DNAH7: variants seen among roughly 807,000 people sequenced by gnomAD.
The protein encoded by DNAH7 is dynein axonemal heavy chain 7.
In DNAH7, 397 loss-of-function variants were observed where a neutral mutation model predicts 444.6. The observed-to-expected ratio is 0.89, with a 90% CI of 0.82 to 0.97. DNAH7 has a LOEUF of 0.97. Among genes scored for constraint, DNAH7 ranks in the 50% least tolerant of loss-of-function variants. DNAH7 has a pLI of 0.00. For missense variants in DNAH7, 4,902 were observed against 4,800.8 expected, an observed-to-expected ratio of 1.02 and a Z score of -0.62; for synonymous variants, 1,636 against 1,624.4, an observed-to-expected ratio of 1.01 and a Z score of -0.17.
At chr2:195,946,890 G>C (rs1033223363) in intron 19 of DNAH7, among the ~76,000 whole-genome samples, 5 of 151,854 alleles carry the variant, frequency 3.3e-5, no homozygotes, top group African/African-American at 1.2e-4. Flanking sequence ...AGAAGACTGA[G>C]GATTTGAAAC....
At chr2:195,943,712 G>A (rs959655781) in intron 19 of DNAH7, among the ~76,000 whole-genome samples, 4 of 152,120 alleles carry the variant, frequency 2.6e-5, no homozygotes, top group African/African-American at 9.7e-5. Context: ...ATGTATCCCA[G>A]TTTGATGAAG....
Position 196,058,005 on chromosome 2 carries a change from C to G in DNAH7, c.78+49G>C, listed in dbSNP as rs774268911. On this transcript the variant is annotated intron_variant, in intron 2 of 64. Coordinates refer to ENST00000312428, the MANE Select transcript of DNAH7 (RefSeq NM_018897.3). ...ACTTTCAAGCTTGAAAAGTAGTAAA[C>G]AAACATTATCATAAAGGAATGAAGT... 3.8e-6 allele frequency: 5 copies of G among 1,332,910 alleles called. No homozygotes were observed. The Admixed American group carries it at 1.4e-4, about 36-fold the overall frequency. The allele number at this position is 1,332,910 out of a possible 1,614,324, so 82.6% of individuals were successfully genotyped here.
intron 7 of DNAH7, among the ~76,000 whole-genome samples, chr2:196,025,147 T>G (rs1177405329): frequency 1.3e-5 from 2 of 152,172 alleles, no homozygotes; most frequent in Admixed American, 1.3e-4. Flanking sequence ...CTGCAGATTT[T>G]GGTATCTGTC....
At position 196,026,749 on chromosome 2, in the gene DNAH7, T is replaced by A; in HGVS notation, c.667+11A>T. 1.3e-6 allele frequency: 2 copies of A among 1,579,734 alleles called. No homozygotes were observed. Among genetic ancestry groups the A allele is most frequent in the Non-Finnish European group, 1.7e-6 (2 of 1,154,630 alleles). ...ATTTGAATTAAAAATCAAAGCATAA[T>A]ACCAATTTACCTATGGATTTCCTTA... is the stretch of plus-strand genomic sequence containing the variant. On this transcript the variant is annotated intron_variant, in intron 7 of 64. Transcript: ENST00000312428.
rs1434075733 is a variant in DNAH7, at chr2:195,737,799, C to G, written c.*122G>C. ...AGCTGCATTTGCTCATAAGTAAATTCATAATTATAACTTTAGTCAAATGTA... is the reference window on the plus strand; with the variant it reads ...AGCTGCATTTGCTCATAAGTAAATTGATAATTATAACTTTAGTCAAATGTA... On this transcript the variant is annotated 3_prime_UTR_variant, in exon 65 of 65. Coordinates refer to ENST00000312428, the MANE Select transcript of DNAH7 (RefSeq NM_018897.3). The G allele has an allele frequency of 3.6e-6, 3 of 828,258 alleles. No homozygotes were observed. In the Admixed American group the frequency reaches 8.6e-5, roughly 24 times the overall value. 51.3% of individuals were successfully genotyped at this position (828,258 alleles called of 1,614,324 possible).
chr2:195,952,819 T>C (rs148097672), intron 19 of DNAH7, among the ~76,000 whole-genome samples: 1 of 152,202 alleles, frequency 6.6e-6, no homozygotes, highest in Non-Finnish European at 1.5e-5. Context: ...GTTATTCTAG[T>C]TAGCAATTCG....
chr2:195,775,715 T>C, intron 60 of DNAH7, 131 bp downstream of exon 60: 1 of 992,442 alleles, frequency 1.0e-6, no homozygotes, highest in East Asian at 2.8e-5. Context: ...ATGTATGTAT[T>C]TTTGTCTTTT....
intron 49 of DNAH7, among the ~76,000 whole-genome samples, chr2:195,818,948 T>A (rs1697345322): frequency 6.6e-6 from 1 of 152,174 alleles, no homozygotes; most frequent in Non-Finnish European, 1.5e-5. Context: ...TTTTTATGGA[T>A]ACATAACAGT....
rs374030931 is a variant in DNAH7 at position 195,848,692 on chromosome 2, A to T, written c.8782-3527T>A. 3.4e-4 allele frequency among the ~76,000 whole-genome samples: 52 copies of T among 152,330 alleles called. No homozygotes were observed. In the East Asian group the frequency reaches 8.7e-3, roughly 25 times the overall value. ...AAGCTAGAGCTGTGGGAGGCAGTTT[A>T]TATATGGTAAATGGGATGGAATTAG... On this transcript the variant is annotated intron_variant, in intron 46 of 64. Transcript: ENST00000312428.
chr2:195,850,294 A>T (rs1370821317), intron 46 of DNAH7, among the ~76,000 whole-genome samples: 1 of 150,858 alleles, frequency 6.6e-6, no homozygotes, highest in Non-Finnish European at 1.5e-5. Flanking sequence ...TGAAAAAAAA[A>T]AAAGGGGAGA....
At chr2:195,739,820 T>A (rs1311851990) in intron 64 of DNAH7, among the ~76,000 whole-genome samples, 1 of 152,214 alleles carries the variant, frequency 6.6e-6, no homozygotes, top group East Asian at 1.9e-4. Context: ...CGTTCCCAGC[T>A]CGGGTTGAAC....
Position 196,024,480 on chromosome 2 carries a change from C to G in DNAH7, c.692G>C (p.Arg231Pro). 1 of 1,577,338 alleles carries G rather than the reference C, an allele frequency of 6.3e-7. No homozygotes were observed. The highest frequency in any genetic ancestry group is 8.6e-7 in the Non-Finnish European group (1 of 1,164,398). Residue 231 changes from arginine to proline, a missense_variant, in exon 8 of 65, where the codon CGA becomes CCA. Physicochemically the swap from Arg to Pro is moderately radical, Grantham distance 103. Coordinates refer to ENST00000312428, the MANE Select transcript of DNAH7 (RefSeq NM_018897.3). ...SIVDFVLKDPREKGDDKKTDE... is the reference protein window; with the variant it reads ...SIVDFVLKDPPEKGDDKKTDE... ...TGTCTTCTTATCATCTCCTTTCTCT[C>G]GAGGATCTTTTAAAACAAAATCAAC...
rs117394047 is a variant in DNAH7 at position 195,945,844 on chromosome 2, T to A, written c.3079-9052A>T. ...TTGCATGAAATACAAAAGACTTGGA[T>A]GAGTCAAAAACCAAGTTTGGGGGTG... On this transcript the variant is annotated intron_variant, in intron 19 of 64. Coordinates refer to ENST00000312428, the MANE Select transcript of DNAH7 (RefSeq NM_018897.3). Among the ~76,000 whole-genome samples the A allele has an allele frequency of 4.3e-3, 653 of 152,238 alleles. 6 individuals carry two copies. Among genetic ancestry groups the A allele is most frequent in the East Asian group, 0.032 (167 of 5,178 alleles).
At position 195,750,771 on chromosome 2, in the gene DNAH7, G is replaced by C. The variant is rs12614385; in HGVS notation, c.11764+3566C>G. On this transcript the variant is annotated intron_variant, in intron 63 of 64. Transcript: ENST00000312428. ...TTGTGAGGATTCAGTGTAATGGACT[G>C]GGCAGCCCAGCAGTGGTACAGAGCA... 9.3e-3 allele frequency among the ~76,000 whole-genome samples: 1,418 copies of C among 152,258 alleles called. 35 individuals are homozygous for C. Among genetic ancestry groups the C allele is most frequent in the East Asian group, 0.07 (362 of 5,190 alleles).
chr2:195,779,375 A>C (rs921303997), intron 58 of DNAH7, among the ~76,000 whole-genome samples: 6 of 152,224 alleles, frequency 3.9e-5, no homozygotes, highest in East Asian at 1.9e-4. Context: ...CCAAAGAAAG[A>C]AGCTTATAAA....
chr2:195,760,019 G>T (rs1694275664), intron 61 of DNAH7, among the ~76,000 whole-genome samples: 1 of 152,016 alleles, frequency 6.6e-6, no homozygotes, highest in South Asian at 2.1e-4. Flanking sequence ...TCAATACTTG[G>T]CTACTTGCTA....
intron 2 of DNAH7, among the ~76,000 whole-genome samples, chr2:196,053,415 C>T (rs186705992): frequency 2.7e-4 from 41 of 152,328 alleles, no homozygotes; most frequent in African/African-American, 8.4e-4. Context: ...GTAGAACTTT[C>T]GCTCTCAATG....
intron 62 of DNAH7, 120 bp from the exon 63 acceptor site, chr2:195,754,634 C>T: frequency 1.1e-6 from 1 of 942,776 alleles, no homozygotes; most frequent in East Asian, 2.7e-5. Flanking sequence ...CCTCAGCCTC[C>T]CAAGTAGCTG....
intron 54 of DNAH7, among the ~76,000 whole-genome samples, chr2:195,800,900 A>G (rs1432737969): frequency 6.6e-6 from 1 of 152,172 alleles, no homozygotes; most frequent in Non-Finnish European, 1.5e-5. Context: ...TTCATGTTTC[A>G]ATTTTCTCCT....
Sources: gnomAD v4.1 joint callset for allele counts (sites outside exome capture counted in the v4.1 genomes callset) on GRCh38, gnomAD v4.1.1 for gene constraint, MANE v1.5 for transcripts, NCBI Gene and HGNC (gene_info 2026-07-23, HGNC 2026-07-21) for gene names.